ARID2: variants seen among roughly 807,000 people sequenced by gnomAD.
ARID2 encodes the protein AT-rich interaction domain 2, also known as AT-rich interactive domain-containing protein 2.
In ARID2, 32 loss-of-function variants were observed where a neutral mutation model predicts 184.6. The observed-to-expected ratio is 0.17, with a 90% CI of 0.13 to 0.23. The LOEUF is 0.23. Among genes scored for constraint, ARID2 ranks in the 10% least tolerant of loss-of-function variants. ARID2 has a pLI of 1.00. For missense variants in ARID2, 1,696 were observed against 2,197.6 expected, an observed-to-expected ratio of 0.77 and a Z score of 4.56; for synonymous variants, 836 against 772.6, an observed-to-expected ratio of 1.08 and a Z score of -1.36.
chr12:45,863,963 C>T (rs1360809563), intron 16 of ARID2, among the ~76,000 whole-genome samples: 3 of 151,426 alleles, frequency 2.0e-5, no homozygotes, highest in African/African-American at 4.9e-5. Flanking sequence ...TCAAGCCATC[C>T]TCCCACCTCA....
At chr12:45,779,270 T>C (rs1942044311) in intron 3 of ARID2, among the ~76,000 whole-genome samples, 1 of 152,094 alleles carries the variant, frequency 6.6e-6, no homozygotes, top group African/African-American at 2.4e-5. Context: ...TATTGCCAAG[T>C]AGCCATCCAG....
chr12:45,864,469 G>C (rs1210826610), intron 16 of ARID2, among the ~76,000 whole-genome samples: 3 of 150,388 alleles, frequency 2.0e-5, no homozygotes, highest in African/African-American at 4.9e-5. Flanking sequence ...CTTTTAATCT[G>C]TTAGATTACC....
intron 15 of ARID2, among the ~76,000 whole-genome samples, chr12:45,853,782 C>T (rs1251711914): frequency 6.6e-6 from 1 of 152,180 alleles, no homozygotes; most frequent in African/African-American, 2.4e-5. Flanking sequence ...TGTATGGTTA[C>T]GGTGATGACA....
intron 3 of ARID2, among the ~76,000 whole-genome samples, chr12:45,793,386 A>AT (rs1258830232): frequency 6.6e-6 from 1 of 151,508 alleles, no homozygotes; most frequent in Non-Finnish European, 1.5e-5. Flanking sequence ...TAACTGAGGA[A>AT]TTTTTTCATC....
At chr12:45,795,213 G>A (rs1942366796) in intron 3 of ARID2, among the ~76,000 whole-genome samples, 2 of 152,120 alleles carry the variant, frequency 1.3e-5, no homozygotes, top group Admixed American at 6.5e-5. Context: ...CCATGTGCCA[G>A]TATCAAAGTC....
At position 45,852,163 on chromosome 12, in the gene ARID2, A is replaced by G. The variant is rs765146369; in HGVS notation, c.4040A>G (p.Gln1347Arg). 1 of 1,614,124 alleles carries G rather than the reference A, an allele frequency of 6.2e-7. No homozygotes were observed. The highest frequency in any genetic ancestry group is 8.5e-7 in the Non-Finnish European group (1 of 1,180,002). The change falls in exon 15 of 21, where the codon CAA (glutamine) becomes CGA (arginine). Residue 1347 changes from glutamine to arginine, a missense_variant. Around this residue, in one of 11 missense-constraint regions of ARID2, gnomAD observed 428 missense variants for 409.1 expected, o/e 1.05. Coordinates refer to ENST00000334344, the MANE Select transcript of ARID2 (RefSeq NM_152641.4). ...CAGAACTCAGAACAAATAGACATGC[A>G]AGATATCAAAAGTGATTTGAGAAAA... ...GKQNSEQIDM[Q>R]DIKSDLRKPL... is the part of the protein sequence containing the mutation.
chr12:45,729,983 T>TC (rs1387398679), intron 1 of ARID2, 55 bp downstream of exon 1: 4 of 1,605,602 alleles, frequency 2.5e-6, no homozygotes, highest in Non-Finnish European at 3.4e-6. Flanking sequence ...AACGGGGCTC[T>TC]CCCGCCCGGG....
chr12:45,869,669 G>A (rs1341118638), intron 16 of ARID2, among the ~76,000 whole-genome samples: 1 of 151,890 alleles, frequency 6.6e-6, no homozygotes, highest in East Asian at 2.0e-4. Context: ...GATCACTTGA[G>A]GTCAGGAGTT....
rs1943575663 is a variant in ARID2 at position 45,852,607 on chromosome 12, A to G, written c.4484A>G (p.His1495Arg). ...CCCGACTCAGGATCAAAAGTATCCC[A>G]TTCTCCTGCCCTATCATCTGACGTT... ...AVPDSGSKVS[H>R]SPALSSDVRS... Residue 1495 changes from histidine (H) to arginine (R), a missense_variant, in exon 15 of 21, where the codon CAT (histidine) becomes CGT (arginine). Transcript: ENST00000334344. The G allele has an allele frequency of 6.2e-7, 1 of 1,614,062 alleles. No individual in the cohort carries two copies. The highest frequency in any genetic ancestry group is 8.5e-7 in the Non-Finnish European group (1 of 1,180,012).
At chr12:45,816,734 C>G (rs1942810941) in intron 4 of ARID2, among the ~76,000 whole-genome samples, 1 of 152,140 alleles carries the variant, frequency 6.6e-6, no homozygotes, top group Non-Finnish European at 1.5e-5. Flanking sequence ...ACTACTGATG[C>G]ACTTATCAAC....
chr12:45,799,704 T>TGTA (rs1234757755), intron 3 of ARID2, among the ~76,000 whole-genome samples: 1 of 152,148 alleles, frequency 6.6e-6, no homozygotes, highest in African/African-American at 2.4e-5. Flanking sequence ...ATTGCAAATG[T>TGTA]GTAAGTACCA....
intron 16 of ARID2, among the ~76,000 whole-genome samples, chr12:45,865,946 A>G (rs1019142475): frequency 1.3e-5 from 2 of 152,150 alleles, no homozygotes; most frequent in East Asian, 3.8e-4. Context: ...TTATATTTCT[A>G]GCTTTTAAAA....
intron 16 of ARID2, among the ~76,000 whole-genome samples, chr12:45,890,797 T>C (rs1026633314): frequency 6.6e-6 from 1 of 152,074 alleles, no homozygotes; most frequent in Admixed American, 6.6e-5. Flanking sequence ...CGTTAAAAAC[T>C]GGTTCAAATA....
chr12:45,817,926 TAA>T (rs1489063404), intron 5 of ARID2, 38 bp downstream of exon 5: 2 of 1,511,030 alleles, frequency 1.3e-6, no homozygotes, highest in Non-Finnish European at 1.8e-6. Context: ...AATTCTTCTG[TAA>T]AAGTTTTTTT....
intron 3 of ARID2, among the ~76,000 whole-genome samples, chr12:45,747,250 T>G (rs1941377734): frequency 6.6e-6 from 1 of 152,240 alleles, no homozygotes; most frequent in Non-Finnish European, 1.5e-5. Context: ...CTTTAATGTA[T>G]CTTTTTGTAA....
chr12:45,846,671 T>A (rs1454410425), intron 11 of ARID2, among the ~76,000 whole-genome samples, 185 bp from the exon 12 acceptor site: 1 of 152,132 alleles, frequency 6.6e-6, no homozygotes, highest in East Asian at 1.9e-4. Flanking sequence ...TCTAAGACAG[T>A]GCCTGGTATG....
intron 12 of ARID2, among the ~76,000 whole-genome samples, chr12:45,847,410 C>A (rs559831221): frequency 6.6e-6 from 1 of 151,930 alleles, no homozygotes; most frequent in South Asian, 2.1e-4. Context: ...TAATAGTAGA[C>A]GGACATTAAT....
At chr12:45,742,516 T>G (rs1027807196) in intron 3 of ARID2, among the ~76,000 whole-genome samples, 1 of 152,230 alleles carries the variant, frequency 6.6e-6, no homozygotes, top group African/African-American at 2.4e-5. Flanking sequence ...AGATTAAGCC[T>G]AGTTTCCCTT....
chr12:45,778,321 T>C (rs1477806672), intron 3 of ARID2, among the ~76,000 whole-genome samples: 1 of 152,012 alleles, frequency 6.6e-6, no homozygotes, highest in Non-Finnish European at 1.5e-5. Flanking sequence ...CCTCTTATGG[T>C]GTTAATTTGC....
Sources: allele counts gnomAD v4.1 joint callset (sites outside exome capture counted in the v4.1 genomes callset), GRCh38; gene constraint gnomAD v4.1.1; regional missense constraint gnomAD v4.1.1; transcripts MANE v1.5; gene names NCBI Gene and HGNC (gene_info 2026-07-23, HGNC 2026-07-21).